Variants in FHL2 observed in about 807,000 individuals in gnomAD.
FHL2 encodes four and a half LIM domains 2.
FHL2 carries 20 observed loss-of-function variants against 32.7 expected under a neutral mutation model. That is an observed-to-expected ratio of 0.61 (90% confidence interval 0.43 to 0.89). The LOEUF is 0.89. FHL2 is among the 40% of genes least tolerant of loss of function. The probability of loss-of-function intolerance (pLI) is 0.00; values close to 1 mark genes in which losing one functional copy is unlikely to be tolerated. For missense variants in FHL2, 311 were observed against 358.6 expected (o/e 0.87, Z 1.07); for synonymous variants, 123 against 128.1 (o/e 0.96, Z 0.27).
At chr2:105,409,392 A>C (rs756539571) in intron 1 of FHL2, among the ~76,000 whole-genome samples, 2 of 152,180 alleles carry the variant, frequency 1.3e-5, no homozygotes, top group African/African-American at 4.8e-5. Flanking sequence ...CATGATGCTC[A>C]TGTGTGGCTG....
chr2:105,406,028 A>G (rs1429158907), intron 1 of FHL2, among the ~76,000 whole-genome samples: 1 of 152,096 alleles, frequency 6.6e-6, no homozygotes, highest in African/African-American at 2.4e-5. Context: ...TGTGATGAAA[A>G]CCTATGCTTT....
chr2:105,402,094 C>CATAT (rs1389026925), upstream of FHL2, among the ~76,000 whole-genome samples: 1 of 117,634 alleles, frequency 8.5e-6, no homozygotes, highest in African/African-American at 4.0e-5. Context: ...TGTATATATA[C>CATAT]GTGTATATAT....
Position 105,365,201 on chromosome 2 carries a change from C to T in FHL2, c.502-1730G>A, listed in dbSNP as rs572645378. On this transcript the variant is annotated intron_variant, in intron 5 of 6. Transcript: ENST00000530340. ...TCAGATTAGTTGAGGTCCCTCCATT[C>T]CACACTCTGCTCTTCTCCTCCATAG... is the stretch of plus-strand genomic sequence containing the variant. Among the ~76,000 whole-genome samples the T allele has an allele frequency of 7.2e-5, 11 of 152,290 alleles. No individual in the cohort carries two copies. The South Asian group carries it at 2.3e-3, about 32-fold the overall frequency.
intron 3 of FHL2, chr2:105,376,233 C>T (rs1160926126): frequency 6.6e-6 from 1 of 152,208 alleles, no homozygotes; most frequent in Non-Finnish European, 1.5e-5. Flanking sequence ...AGCCAAGCTT[C>T]GAGCTCAAGT....
chr2:105,415,277 C>T (rs1367713318), intron 1 of FHL2, among the ~76,000 whole-genome samples: 1 of 152,156 alleles, frequency 6.6e-6, no homozygotes, highest in African/African-American at 2.4e-5. Context: ...AGTATCCTAC[C>T]ATTTGTAAGA....
chr2:105,358,530 G>A (rs1680101604), downstream of FHL2: 1 of 152,346 alleles, frequency 6.6e-6, no homozygotes, highest in Admixed American at 6.5e-5. Flanking sequence ...AATAGAGTTT[G>A]TCACATGAAG....
At chr2:105,385,904 G>A (rs1024263109) in intron 3 of FHL2, 4 of 231,228 alleles carry the variant, frequency 1.7e-5, no homozygotes, top group East Asian at 1.7e-4. Flanking sequence ...ATCTTCCAAG[G>A]ACTTTGTGCT....
chr2:105,437,896 C>G (rs1684659858), intron 1 of FHL2, among the ~76,000 whole-genome samples: 1 of 152,342 alleles, frequency 6.6e-6, no homozygotes, highest in East Asian at 1.9e-4. Context: ...CATAAACACA[C>G]TTTCCCAGAG....
chr2:105,421,894 A>G (rs1195294822), intron 1 of FHL2, among the ~76,000 whole-genome samples: 1 of 152,232 alleles, frequency 6.6e-6, no homozygotes, highest in Non-Finnish European at 1.5e-5. Context: ...TCTTTGATTT[A>G]ATGGAAAAGA....
chr2:105,400,685 A>AATTTT (rs1683430797), upstream of FHL2, among the ~76,000 whole-genome samples: 1 of 61,600 alleles, frequency 1.6e-5, no homozygotes. Context: ...CTTATATTTT[A>AATTTT]ATTTTTTTTT....
At chr2:105,373,364 T>A (rs1002027625) in intron 4 of FHL2, among the ~76,000 whole-genome samples, 195 bp downstream of exon 4, 3 of 152,176 alleles carry the variant, frequency 2.0e-5, no homozygotes, top group Admixed American at 2.0e-4. Context: ...AGCAAAAAGA[T>A]CCCGTTACTG....
chr2:105,386,617 CA>C, intron 2 of FHL2, 77 bp from the exon 3 acceptor site: 3 of 1,273,218 alleles, frequency 2.4e-6, no homozygotes, highest in South Asian at 2.7e-5. Flanking sequence ...TTAACTGTCC[CA>C]CTGTCTGTCA....
At chr2:105,427,811 C>G (rs1460874270) in intron 1 of FHL2, among the ~76,000 whole-genome samples, 1 of 152,094 alleles carries the variant, frequency 6.6e-6, no homozygotes, top group Non-Finnish European at 1.5e-5. Flanking sequence ...AGAAGGGACC[C>G]CCTCTGACAG....
chr2:105,362,369 T>G (rs982042009), intron 6 of FHL2, among the ~76,000 whole-genome samples: 7 of 152,200 alleles, frequency 4.6e-5, no homozygotes, highest in Non-Finnish European at 8.8e-5. Context: ...TTTAGCGACC[T>G]GGGAAGGTGA....
chr2:105,393,929 A>T (rs1682923328), intron 2 of FHL2, among the ~76,000 whole-genome samples: 1 of 152,324 alleles, frequency 6.6e-6, no homozygotes, highest in South Asian at 2.1e-4. Context: ...CAGCCTGGCC[A>T]GGTCAAGAAG....
chr2:105,364,210 C>A (rs1018739825), intron 5 of FHL2, among the ~76,000 whole-genome samples: 3 of 152,124 alleles, frequency 2.0e-5, no homozygotes, highest in Non-Finnish European at 4.4e-5. Context: ...GAGCCAAGAT[C>A]ATGCCACTGC....
upstream of FHL2, chr2:105,399,101 C>T (rs1224800562): frequency 6.8e-7 from 1 of 1,461,478 alleles, no homozygotes; most frequent in Non-Finnish European, 9.0e-7. Flanking sequence ...TGTCATTTGA[C>T]CATATAAGGA....
chr2:105,403,893 A>G (rs1048740668), upstream of FHL2, among the ~76,000 whole-genome samples: 29 of 152,252 alleles, frequency 1.9e-4, no homozygotes, highest in African/African-American at 5.8e-4. Flanking sequence ...TAGAAGTTTC[A>G]GCCAGTGGGT....
chr2:105,436,786 C>T lies in FHL2; in HGVS notation c.-25+1613G>A, dbSNP rs867935266. ...GAGTAGTAAGACTATATATGATTTT[C>T]CATTTTCTTCTTTTTGCTGGTCTGT... On this transcript the variant is annotated intron_variant, in intron 1 of 5. Transcript: ENST00000393352. Among the ~76,000 whole-genome samples, 14 of 152,194 alleles carry T rather than the reference C, an allele frequency of 9.2e-5. 1 individual carries two copies. Among genetic ancestry groups the T allele is most frequent in the South Asian group, 6.2e-4 (3 of 4,814 alleles).
Sources: gnomAD v4.1 joint callset for allele counts (sites outside exome capture counted in the v4.1 genomes callset) on GRCh38, gnomAD v4.1.1 for gene constraint, MANE v1.5 for transcripts, NCBI Gene and HGNC (gene_info 2026-07-23, HGNC 2026-07-21) for gene names.